STT3A: variants seen among roughly 807,000 people sequenced by gnomAD.
STT3A encodes the protein STT3 oligosaccharyltransferase complex catalytic subunit A, also known as dolichyl-diphosphooligosaccharide--protein glycosyltransferase subunit STT3A.
STT3A carries 34 observed loss-of-function variants against 89.2 expected under a neutral mutation model. The ratio of observed to expected loss-of-function variants is 0.38; its 90% CI spans 0.29 to 0.51. STT3A has a LOEUF of 0.51. Ranked by LOEUF, STT3A falls within the 20% of genes least tolerant of loss-of-function variation. STT3A has a pLI of 0.89. For synonymous variants in STT3A, 282 were observed against 310.3 expected (o/e 0.91, Z 0.96); for missense variants, 555 against 889.5 (o/e 0.62, Z 4.78).
chr11:125,606,436 TC>T lies in STT3A; in HGVS notation c.752del (p.Ser251LeufsTer40). The T allele has an allele frequency of 1.2e-6, 2 of 1,613,586 alleles. No homozygotes were observed. The highest frequency in any genetic ancestry group is 1.7e-6 in the Non-Finnish European group (2 of 1,179,900). ...TGTTTACTGCCTGGGCACTATACTT[TC>T]TATGCAGATCTCCTTTGTGGGTTTC... is the stretch of plus-strand genomic sequence containing the variant. ...CTVYCLGTIL[S>X]MQISFVGFQP... On this transcript the variant is annotated frameshift_variant, in exon 8 of 18. Coordinates refer to ENST00000392708, the MANE Select transcript of STT3A (RefSeq NM_152713.5). LOFTEE classifies it high-confidence loss of function.
chr11:125,604,096 C>T, intron 5 of STT3A, 61 bp from the exon 6 acceptor site: 1 of 1,545,396 alleles, frequency 6.5e-7, no homozygotes, highest in Admixed American at 1.7e-5. Context: ...ACTAGTGGAT[C>T]CTCTGTTCTT....
Position 125,613,226 on chromosome 11 carries a change from G to C in STT3A, c.1554+49G>C. 6.3e-7 allele frequency: 1 copy of C among 1,592,542 alleles called. No homozygotes were observed. Among genetic ancestry groups the C allele is most frequent in the Non-Finnish European group, 8.6e-7 (1 of 1,165,260 alleles). On this transcript the variant is annotated intron_variant, in intron 13 of 17. Transcript: ENST00000392708. The surrounding 1 kb of genome is among the most constrained non-coding windows in gnomAD (Gnocchi z 4.2). ...ATTGTGGGTTAGGGGCAAAGGGGAA[G>C]ACATTTGATGTTACAGTGAATCATA...
At chr11:125,606,690 G>T (rs1335945014) in intron 8 of STT3A, among the ~76,000 whole-genome samples, 1 of 152,126 alleles carries the variant, frequency 6.6e-6, no homozygotes, top group East Asian at 1.9e-4. Flanking sequence ...CTCTTACTTT[G>T]GCTTTAAGTT....
At chr11:125,600,154 G>T (rs920056562) in intron 3 of STT3A, among the ~76,000 whole-genome samples, 1 of 150,176 alleles carries the variant, frequency 6.7e-6, no homozygotes, top group South Asian at 2.1e-4. Context: ...GGGTTCAAGC[G>T]ATTCTCCTGC....
chr11:125,602,251 T>G (rs1181291479), intron 3 of STT3A, 52 bp from the exon 4 acceptor site: 1 of 1,602,118 alleles, frequency 6.2e-7, no homozygotes, highest in Non-Finnish European at 8.5e-7. Flanking sequence ...TGGTGTATCC[T>G]GAGGAGCAAA....
chr11:125,605,148 AGC>A (rs1176469970), intron 6 of STT3A, among the ~76,000 whole-genome samples: 1 of 151,210 alleles, frequency 6.6e-6, no homozygotes, highest in Non-Finnish European at 1.5e-5. Context: ...AAAAAAAAAA[AGC>A]AGACTGGAGA....
At chr11:125,609,100 C>G (rs903414360) in intron 9 of STT3A, among the ~76,000 whole-genome samples, 5 of 152,196 alleles carry the variant, frequency 3.3e-5, no homozygotes, top group Admixed American at 6.5e-5. Flanking sequence ...TAATTCAGAG[C>G]AGGACTTGAG....
intron 7 of STT3A, 56 bp downstream of exon 7, chr11:125,605,791 A>G (rs921217508): frequency 2.0e-5 from 28 of 1,428,880 alleles, no homozygotes; most frequent in Non-Finnish European, 2.3e-5. Context: ...TGTATTTCCT[A>G]TGGGTACTTA....
At chr11:125,619,725 T>C (rs576292686) in intron 16 of STT3A, among the ~76,000 whole-genome samples, 1 of 152,298 alleles carries the variant, frequency 6.6e-6, no homozygotes, top group Non-Finnish European at 1.5e-5. Flanking sequence ...TTAGAGGCTC[T>C]AAATGACAAT....
At chr11:125,617,952 G>T (rs561164388) in intron 15 of STT3A, among the ~76,000 whole-genome samples, 2 of 152,010 alleles carry the variant, frequency 1.3e-5, no homozygotes, top group Non-Finnish European at 2.9e-5. Flanking sequence ...TTTGGGGTTT[G>T]TTTTTTTTAC....
rs567019797 is a variant in STT3A, at chr11:125,592,948, A to G, written c.-36+30A>G. The G allele has an allele frequency of 4.5e-4, 75 of 168,428 alleles. No homozygotes were observed. In the South Asian group the frequency reaches 8.5e-3, roughly 19 times the overall value. The allele number at this position is 168,428 out of a possible 1,614,324, so 10.4% of individuals were successfully genotyped here. ...GAAGGCCGTAGAACGTAACTTGAAAATCAGCGGCAGGTGCAGTCCATGGCG... is the reference window on the plus strand; with the variant it reads ...GAAGGCCGTAGAACGTAACTTGAAAGTCAGCGGCAGGTGCAGTCCATGGCG... On this transcript the variant is annotated intron_variant, in intron 1 of 17. Coordinates refer to ENST00000392708, the MANE Select transcript of STT3A (RefSeq NM_152713.5).
intron 16 of STT3A, 33 bp from the exon 17 acceptor site, chr11:125,619,978 G>A (rs769915154): frequency 6.4e-7 from 1 of 1,563,066 alleles, no homozygotes; most frequent in Admixed American, 1.7e-5. Flanking sequence ...TAGCACTGTA[G>A]AAAGAAGTGT....
At chr11:125,592,525 T>A (rs1382310812), upstream of STT3A, 1 of 453,890 alleles carries the variant, frequency 2.2e-6, no homozygotes, top group Non-Finnish European at 4.4e-6. Context: ...CGGGAGTCAG[T>A]GGGCCGCGCC....
At chr11:125,615,660 G>C (rs371878881) in intron 15 of STT3A, among the ~76,000 whole-genome samples, 2 of 152,144 alleles carry the variant, frequency 1.3e-5, no homozygotes, top group South Asian at 4.1e-4. Context: ...TTTTATATAA[G>C]GGACTTGAGC....
At chr11:125,605,139 A>G (rs1219387710) in intron 6 of STT3A, among the ~76,000 whole-genome samples, 1 of 133,974 alleles carries the variant, frequency 7.5e-6, no homozygotes, top group Admixed American at 7.2e-5. Flanking sequence ...TTTTTTAAGA[A>G]AAAAAAAAAG....
intron 2 of STT3A, among the ~76,000 whole-genome samples, chr11:125,596,535 G>C (rs566090106): frequency 6.6e-6 from 1 of 152,268 alleles, no homozygotes; most frequent in African/African-American, 2.4e-5. Flanking sequence ...TTTCTCATAG[G>C]GTTGAAAGTG....
intron 7 of STT3A, 59 bp from the exon 8 acceptor site, chr11:125,606,242 A>C (rs1939832791): frequency 6.8e-7 from 1 of 1,464,450 alleles, no homozygotes. Context: ...CCTACAATAT[A>C]GTGGTGGTGG....
upstream of STT3A, chr11:125,592,635 A>T (rs904138554): frequency 7.8e-6 from 3 of 386,648 alleles, no homozygotes; most frequent in Non-Finnish European, 1.5e-5. Context: ...CTTGACTCCT[A>T]CGCGCCGGCC....
intron 3 of STT3A, 78 bp from the exon 4 acceptor site, chr11:125,602,225 A>G: frequency 6.6e-7 from 1 of 1,508,412 alleles, no homozygotes; most frequent in Non-Finnish European, 9.0e-7. Context: ...TCATTGAGTA[A>G]TGCTGAATTT....
Sources: gnomAD v4.1 joint callset for allele counts (sites outside exome capture counted in the v4.1 genomes callset) on GRCh38, gnomAD v4.1.1 for gene constraint, Gnocchi (gnomAD v3.1) non-coding constraint, MANE v1.5 for transcripts, NCBI Gene and HGNC (gene_info 2026-07-23, HGNC 2026-07-21) for gene names.